Variants in TP73 observed in about 807,000 individuals in gnomAD.
The protein encoded by TP73 is p53-like transcription factor.
In TP73, 25 loss-of-function variants were observed where a neutral mutation model predicts 62.5. That is an observed-to-expected ratio of 0.40 (90% CI 0.29 to 0.56). TP73 has a LOEUF of 0.56. Among genes scored for constraint, TP73 ranks in the 20% least tolerant of loss-of-function variants. TP73 has a pLI of 0.46. For missense variants in TP73, 754 were observed against 913.3 expected, an observed-to-expected ratio of 0.83 and a Z score of 2.25; for synonymous variants, 423 against 377.5, an observed-to-expected ratio of 1.12 and a Z score of -1.40.
intron 3 of TP73, among the ~76,000 whole-genome samples, chr1:3,700,561 C>A (rs1639073581): frequency 6.6e-6 from 1 of 152,170 alleles, no homozygotes; most frequent in Non-Finnish European, 1.5e-5. Flanking sequence ...CTTTGGGAGG[C>A]TGAGGTGGGC....
rs113253012 is a variant in TP73 at position 3,733,044 on chromosome 1, A to G, written c.1876A>G (p.Ile626Val). The change falls in exon 14 of 14, where the codon ATC becomes GTC. Residue 626 changes from isoleucine (I) to valine (V), a missense_variant. By Grantham distance (29) the Ile-to-Val change is conservative (BLOSUM62 3). Transcript: ENST00000378295. Reference protein sequence around the residue: ...LPDCKARKQPIKEEFTEAEIH With the variant: ...LPDCKARKQPVKEEFTEAEIH ...CGACTGCAAGGCCCGCAAGCAGCCC[A>G]TCAAGGAGGAGTTCACGGAGGCCGA... 1.1e-3 allele frequency: 1,642 copies of G among 1,542,664 alleles called. 2 individuals are homozygous for G. The highest frequency in any genetic ancestry group is 1.4e-3 in the Non-Finnish European group (1,552 of 1,148,736).
chr1:3,683,505 G>A (rs1490646861), intron 3 of TP73, among the ~76,000 whole-genome samples: 3 of 152,156 alleles, frequency 2.0e-5, no homozygotes, highest in Non-Finnish European at 2.9e-5. Context: ...GGGTCCAGGT[G>A]TAGGAAGGGC....
chr1:3,721,309 A>C (rs1182106466), intron 4 of TP73, among the ~76,000 whole-genome samples: 1 of 152,204 alleles, frequency 6.6e-6, no homozygotes, highest in Non-Finnish European at 1.5e-5. Context: ...AGACAGACCT[A>C]TTAGCTCCTC....
chr1:3,688,829 G>A (rs1206594553), intron 3 of TP73, among the ~76,000 whole-genome samples: 1 of 152,174 alleles, frequency 6.6e-6, no homozygotes, highest in Non-Finnish European at 1.5e-5. Context: ...CCCTGGGCAT[G>A]GGTGGGGCTC....
intron 3 of TP73, among the ~76,000 whole-genome samples, chr1:3,688,283 C>T (rs1645716628): frequency 2.6e-5 from 4 of 152,202 alleles, no homozygotes; most frequent in Admixed American, 2.6e-4. Flanking sequence ...GCACCCAGGT[C>T]TCAGAGCCTT....
intron 4 of TP73, among the ~76,000 whole-genome samples, chr1:3,717,647 C>G (rs192858209): frequency 5.1e-4 from 78 of 152,312 alleles, no homozygotes; most frequent in African/African-American, 1.5e-3. Flanking sequence ...GGGCCAAGCC[C>G]AGGCCTGAAG....
intron 1 of TP73, among the ~76,000 whole-genome samples, chr1:3,658,493 T>A (rs937398757): frequency 6.6e-6 from 1 of 151,688 alleles, no homozygotes; most frequent in South Asian, 2.1e-4. Flanking sequence ...TAGAGACAAA[T>A]GAGGAGAGGG....
rs760497464 is a variant in TP73 at position 3,697,878 on chromosome 1, G to A, written c.187-9671G>A. ...TCTGCCTCGATGGCCCCCCACAGCCGTCCTGGACCGCCTTCTCCACCTTTG... is the reference window on the plus strand; with the variant it reads ...TCTGCCTCGATGGCCCCCCACAGCCATCCTGGACCGCCTTCTCCACCTTTG... On this transcript the variant is annotated intron_variant, in intron 3 of 13. Coordinates refer to ENST00000378295, the MANE Select transcript of TP73 (RefSeq NM_005427.4). Among the ~76,000 whole-genome samples the A allele has an allele frequency of 1.4e-4, 22 of 152,150 alleles. 1 individual carries two copies. Among genetic ancestry groups the A allele is most frequent in the Admixed American group, 6.5e-4 (10 of 15,270 alleles).
chr1:3,711,043 T>C (rs1640099795), intron 4 of TP73, among the ~76,000 whole-genome samples: 1 of 151,886 alleles, frequency 6.6e-6, no homozygotes, highest in African/African-American at 2.4e-5. Flanking sequence ...GTGAGAGGGG[T>C]GGAGCTGGCG....
At chr1:3,685,502 G>A (rs933371308) in intron 3 of TP73, among the ~76,000 whole-genome samples, 2 of 152,246 alleles carry the variant, frequency 1.3e-5, no homozygotes, top group South Asian at 2.1e-4. Context: ...CCAGGCCTGC[G>A]TGGGGAGAGC....
chr1:3,689,023 G>T (rs1885870), intron 3 of TP73, among the ~76,000 whole-genome samples: 2 of 152,026 alleles, frequency 1.3e-5, no homozygotes, highest in Non-Finnish European at 2.9e-5. Context: ...GTGCCCTGTG[G>T]GGGTCGGGAG....
In TP73 at chr1:3,707,598, C is replaced by A. The variant is rs746207826; in HGVS notation, c.236C>A (p.Ala79Glu). 2 of 1,612,464 alleles carry A rather than the reference C, an allele frequency of 1.2e-6. No homozygotes were observed. Among genetic ancestry groups the A allele is most frequent in the African/African-American group, 1.3e-5 (1 of 75,004 alleles). The change falls in exon 4 of 14, where the codon GCG (alanine) becomes GAG (glutamate). Residue 79 changes from alanine (A) to glutamate (E), a missense_variant. Transcript: ENST00000378295. ...ACCATGGACCAGATGAGCAGCCGCGCGGCCTCGGCCAGCCCCTACACCCCA... is the reference window on the plus strand; with the variant it reads ...ACCATGGACCAGATGAGCAGCCGCGAGGCCTCGGCCAGCCCCTACACCCCA... ...SSTMDQMSSR[A>E]ASASPYTPEH...
intron 1 of TP73, among the ~76,000 whole-genome samples, chr1:3,664,291 G>C (rs975723904): frequency 2.0e-5 from 3 of 152,178 alleles, no homozygotes; most frequent in African/African-American, 7.2e-5. Context: ...CTGTTTCCCT[G>C]CCCAGTACCA....
intron 4 of TP73, among the ~76,000 whole-genome samples, chr1:3,719,832 C>G (rs961953183): frequency 2.3e-4 from 35 of 151,912 alleles, no homozygotes; most frequent in Admixed American, 7.9e-4. Flanking sequence ...GGGCAGGCGC[C>G]CGCACAGGGG....
chr1:3,727,322 G>C (rs1641730781), intron 7 of TP73, 98 bp downstream of exon 7: 1 of 1,236,164 alleles, frequency 8.1e-7, no homozygotes, highest in Non-Finnish European at 1.1e-6. Flanking sequence ...GCCAAGGCTA[G>C]CTTGGGGAAG....
intron 3 of TP73, among the ~76,000 whole-genome samples, chr1:3,684,165 G>A (rs1645590612): frequency 6.6e-6 from 1 of 152,210 alleles, no homozygotes; most frequent in African/African-American, 2.4e-5. Context: ...GCCCAGCGAG[G>A]CCAGCCGTCC....
chr1:3,678,927 TC>T (rs1320029449), intron 1 of TP73, among the ~76,000 whole-genome samples: 1 of 152,166 alleles, frequency 6.6e-6, no homozygotes, highest in African/African-American at 2.4e-5. Context: ...GGGACCCAAC[TC>T]CTGGCGTGGA....
At position 3,733,348 on chromosome 1, in the gene TP73, C is replaced by T. The variant is rs1380951984; in HGVS notation, c.*269C>T. ...GGGCGGGGGCTGGCCCACTCTCAGC[C>T]CTGCCACTGCCCCGGCGTGCTCCAT... is the stretch of plus-strand genomic sequence containing the variant. On this transcript the variant is annotated 3_prime_UTR_variant, in exon 14 of 14. Coordinates refer to ENST00000378295, the MANE Select transcript of TP73 (RefSeq NM_005427.4). The T allele has an allele frequency of 1.9e-6, 1 of 534,912 alleles. No individual in the cohort carries two copies. The highest frequency in any genetic ancestry group is 3.3e-6 in the Non-Finnish European group (1 of 300,372). 33.1% of individuals were successfully genotyped at this position (534,912 alleles called of 1,614,324 possible).
intron 5 of TP73, 88 bp from the exon 6 acceptor site, chr1:3,723,266 C>T: frequency 9.0e-7 from 1 of 1,107,460 alleles, no homozygotes; most frequent in Non-Finnish European, 1.3e-6. Context: ...ACCCTTTGAA[C>T]CCGGCACAGG....
Sources: gnomAD v4.1 joint callset for allele counts (sites outside exome capture counted in the v4.1 genomes callset) on GRCh38, gnomAD v4.1.1 for gene constraint, MANE v1.5 for transcripts, NCBI Gene and HGNC (gene_info 2026-07-23, HGNC 2026-07-21) for gene names.